FRMD5: variants seen among roughly 807,000 people sequenced by gnomAD.
FRMD5 encodes FERM domain containing 5, also known as FERM domain-containing protein 5.
A neutral mutation model predicts 69.0 loss-of-function variants in FRMD5; 20 were observed. The observed-to-expected ratio is 0.29, with a 90% CI of 0.20 to 0.42. FRMD5 has a LOEUF of 0.42. Among genes scored for constraint, FRMD5 ranks in the 10% least tolerant of loss-of-function variants. The probability of loss-of-function intolerance (pLI) is 1.00; values close to 1 mark genes in which losing one functional copy is unlikely to be tolerated. For synonymous variants in FRMD5, 271 were observed against 260.1 expected, an observed-to-expected ratio of 1.04 and a Z score of -0.40; for missense variants, 595 against 708.6, an observed-to-expected ratio of 0.84 and a Z score of 1.82.
intron 13 of FRMD5, among the ~76,000 whole-genome samples, chr15:43,882,926 C>T (rs1298357351): frequency 6.6e-6 from 1 of 151,948 alleles, no homozygotes; most frequent in Non-Finnish European, 1.5e-5. Context: ...CCACCTCAGC[C>T]TCCCTAGTAG....
intron 1 of FRMD5, among the ~76,000 whole-genome samples, chr15:44,139,613 C>T (rs1444055995): frequency 6.7e-6 from 1 of 149,762 alleles, no homozygotes; most frequent in East Asian, 2.0e-4. Context: ...CATTACAGGC[C>T]AGGCATGGTG....
At chr15:43,936,399 C>G (rs2089761540) in intron 1 of FRMD5, among the ~76,000 whole-genome samples, 1 of 152,202 alleles carries the variant, frequency 6.6e-6, no homozygotes, top group Admixed American at 6.5e-5. Flanking sequence ...CTATGTTGCC[C>G]AGGCTGGTCT....
chr15:44,079,260 C>T (rs1893898071), intron 1 of FRMD5, among the ~76,000 whole-genome samples: 1 of 151,896 alleles, frequency 6.6e-6, no homozygotes, highest in African/African-American at 2.4e-5. Flanking sequence ...AAAAAAAACC[C>T]AAAACAAGGT....
At chr15:43,881,837 C>T (rs988334466) in intron 13 of FRMD5, among the ~76,000 whole-genome samples, 4 of 152,208 alleles carry the variant, frequency 2.6e-5, no homozygotes, top group Admixed American at 2.0e-4. Context: ...GAATCTCACA[C>T]TCACAGTGAC....
chr15:43,873,652 C>CCTTT lies in FRMD5; in HGVS notation c.*229_*232dup. The CCTTT allele has an allele frequency of 6.7e-7, 1 of 1,495,000 alleles. No homozygotes were observed. The highest frequency in any genetic ancestry group is 1.4e-5 in the African/African-American group (1 of 71,174). The allele number at this position is 1,495,000 out of a possible 1,614,324, so 92.6% of individuals were successfully genotyped here. A position where few individuals can be genotyped will look rare whatever the true frequency, so the allele number is the denominator to read the frequency against. On this transcript the variant is annotated 3_prime_UTR_variant, in exon 14 of 14. Coordinates refer to ENST00000417257, the MANE Select transcript of FRMD5 (RefSeq NM_032892.5). The stretch of plus-strand genomic sequence containing the variant: ...AAAGATGAGAAACAGAGTCGCTGAG[C>CCTTT]CTTTCTTGAAATAACTTCTGAAGAA...
rs1056890992 is a variant in FRMD5, at chr15:43,873,048, C to T, written c.*837G>A. On this transcript the variant is annotated 3_prime_UTR_variant, in exon 14 of 14. Coordinates refer to ENST00000417257, the MANE Select transcript of FRMD5 (RefSeq NM_032892.5). Reference sequence around the variant, plus strand: ...CTCTGGTACCACTGAATTCGTTTAACGCCCCTGGAGCACTATAAAAGTCTT... The same window carrying T: ...CTCTGGTACCACTGAATTCGTTTAATGCCCCTGGAGCACTATAAAAGTCTT... 53 of 789,814 alleles carry T rather than the reference C, an allele frequency of 6.7e-5. 1 individual carries two copies. Among genetic ancestry groups the T allele is most frequent in the Admixed American group, 4.8e-4 (17 of 35,224 alleles). 48.9% of individuals were successfully genotyped at this position (789,814 alleles called of 1,614,324 possible).
At chr15:44,104,865 A>G (rs918927349) in intron 1 of FRMD5, among the ~76,000 whole-genome samples, 12 of 152,094 alleles carry the variant, frequency 7.9e-5, no homozygotes, top group Admixed American at 2.6e-4. Context: ...GGTTTCTTTC[A>G]TTTAACATAA....
intron 1 of FRMD5, among the ~76,000 whole-genome samples, chr15:44,045,006 T>C (rs1187044668): frequency 6.6e-6 from 1 of 152,224 alleles, no homozygotes; most frequent in Non-Finnish European, 1.5e-5. Context: ...TTAAAGACTA[T>C]ACATCCTCTG....
rs2088645993 is a variant in FRMD5 at position 43,885,709 on chromosome 15, A to C, written c.931T>G (p.Phe311Val). 1 of 1,614,202 alleles carries C rather than the reference A, an allele frequency of 6.2e-7. No homozygotes were observed. Among genetic ancestry groups the C allele is most frequent in the Non-Finnish European group, 8.5e-7 (1 of 1,180,020 alleles). Residue 311 changes from phenylalanine (F) to valine (V), a missense_variant, in exon 11 of 14, where the codon TTC becomes GTC. Phe to Val is a conservative substitution (Grantham distance 50). Around this residue, in one of 5 missense-constraint regions of FRMD5, gnomAD observed 176 missense variants for 266.3 expected, o/e 0.66. Coordinates refer to ENST00000417257, the MANE Select transcript of FRMD5 (RefSeq NM_032892.5). ...TATCGGAACCGGCTCCCTTTAAAGAATAAATTGCTGCTGGACACTGTGCGG... is the reference window on the plus strand; with the variant it reads ...TATCGGAACCGGCTCCCTTTAAAGACTAAATTGCTGCTGGACACTGTGCGG... ...QVRTVSSSNLFFKGSRFRYSG... is the reference protein window; with the variant it reads ...QVRTVSSSNLVFKGSRFRYSG...
chr15:44,036,505 T>G (rs1252388444), intron 1 of FRMD5, among the ~76,000 whole-genome samples: 1 of 152,222 alleles, frequency 6.6e-6, no homozygotes, highest in Non-Finnish European at 1.5e-5. Context: ...GCTATTTGCA[T>G]GGCTGTGTGA....
chr15:43,938,285 T>G (rs1358840482), intron 1 of FRMD5, among the ~76,000 whole-genome samples: 2 of 148,108 alleles, frequency 1.4e-5, no homozygotes, highest in Non-Finnish European at 3.0e-5. Flanking sequence ...ACAAACATTA[T>G]CTCTAATGCT....
chr15:44,130,545 T>G (rs531369115), intron 1 of FRMD5, among the ~76,000 whole-genome samples: 5 of 152,302 alleles, frequency 3.3e-5, no homozygotes, highest in South Asian at 2.1e-4. Context: ...AAAAAATGAC[T>G]CTGGAGCAAG....
At chr15:43,876,335 G>A in intron 13 of FRMD5, 1 of 921,718 alleles carries the variant, frequency 1.1e-6, no homozygotes, top group East Asian at 2.6e-5. Flanking sequence ...CTGATGCAGA[G>A]CTGGGACCAC....
chr15:43,989,807 T>G, intron 1 of FRMD5: 1 of 1,039,524 alleles, frequency 9.6e-7, no homozygotes, highest in Admixed American at 1.7e-5. Context: ...CTGTCGAAGA[T>G]CTCCAACATG....
intron 1 of FRMD5, among the ~76,000 whole-genome samples, chr15:44,156,128 T>C (rs746697863): frequency 6.6e-5 from 10 of 151,808 alleles, no homozygotes; most frequent in Non-Finnish European, 1.2e-4. Flanking sequence ...TGCCCAATAG[T>C]GAAAAATAAA....
At position 43,888,383 on chromosome 15, in the gene FRMD5, G is replaced by A. The variant is rs545333344; in HGVS notation, c.793-117C>T. 57 of 681,306 alleles carry A rather than the reference G, an allele frequency of 8.4e-5. No individual in the cohort carries two copies. The East Asian group carries it at 1.5e-3, about 18-fold the overall frequency. The allele number at this position is 681,306 out of a possible 1,614,324, so 42.2% of individuals were successfully genotyped here. A position where few individuals can be genotyped will look rare whatever the true frequency, so the allele number is the denominator to read the frequency against. On this transcript the variant is annotated intron_variant, in intron 9 of 13. Coordinates refer to ENST00000417257, the MANE Select transcript of FRMD5 (RefSeq NM_032892.5). The stretch of plus-strand genomic sequence containing the variant: ...CCCTGGCAGCTGGCTAGTTAGAGGG[G>A]AGGGCCTGTGGGACCCACTGAGGCA...
chr15:44,076,458 T>C (rs1893770530), intron 1 of FRMD5, among the ~76,000 whole-genome samples: 1 of 149,576 alleles, frequency 6.7e-6, no homozygotes, highest in Non-Finnish European at 1.5e-5. Context: ...AAATGATGAG[T>C]TCATGTCCTT....
chr15:43,927,740 T>A (rs1257642088), intron 1 of FRMD5, among the ~76,000 whole-genome samples: 4 of 152,162 alleles, frequency 2.6e-5, no homozygotes, highest in Non-Finnish European at 5.9e-5. Context: ...GCTTTTTTTT[T>A]TTTAATGAAA....
At chr15:43,878,394 C>T (rs1484539299) in intron 13 of FRMD5, among the ~76,000 whole-genome samples, 1 of 152,186 alleles carries the variant, frequency 6.6e-6, no homozygotes, top group African/African-American at 2.4e-5. Flanking sequence ...CGGATTAAAT[C>T]AACAGCCAGC....
Sources: allele counts gnomAD v4.1 joint callset (sites outside exome capture counted in the v4.1 genomes callset), GRCh38; gene constraint gnomAD v4.1.1; regional missense constraint gnomAD v4.1.1; transcripts MANE v1.5; gene names NCBI Gene and HGNC (gene_info 2026-07-23, HGNC 2026-07-21).